LMF1: variants seen among roughly 807,000 people sequenced by gnomAD.
The protein encoded by LMF1 is transmembrane protein 112.
A neutral mutation model predicts 60.6 loss-of-function variants in LMF1; 68 were observed. The observed-to-expected ratio is 1.12, with a 90% confidence interval of 0.92 to 1.37. LMF1 has a LOEUF of 1.37. Ranked by LOEUF, LMF1 falls within the 40% of genes most tolerant of loss-of-function variation. The probability of loss-of-function intolerance (pLI) is 0.00; values close to 1 mark genes in which losing one functional copy is unlikely to be tolerated. For synonymous variants in LMF1, 418 were observed against 324.7 expected (o/e 1.29, Z -3.09); for missense variants, 948 against 767.2 (o/e 1.24, Z -2.78).
At chr16:934,953 C>T (rs1235130347) in intron 2 of LMF1, among the ~76,000 whole-genome samples, 2 of 152,236 alleles carry the variant, frequency 1.3e-5, no homozygotes, top group East Asian at 3.8e-4. Flanking sequence ...CAGGATGCAC[C>T]AATGCCCGCA....
intron 1 of LMF1, among the ~76,000 whole-genome samples, chr16:955,466 T>C (rs2072671838): frequency 6.9e-6 from 1 of 145,934 alleles, no homozygotes; most frequent in African/African-American, 2.6e-5. Context: ...ACGCGGTGTG[T>C]GCATACACAC....
At chr16:950,026 C>CAGCCAACGACAGAGTCAG (rs1387670249) in intron 2 of LMF1, among the ~76,000 whole-genome samples, 1 of 141,642 alleles carries the variant, frequency 7.1e-6, no homozygotes. Flanking sequence ...ACGACAGAGT[C>CAGCCAACGACAGAGTCAG]AGCCAACGAC....
intron 3 of LMF1, chr16:931,869 A>C: frequency 8.4e-7 from 1 of 1,195,576 alleles, no homozygotes; most frequent in South Asian, 1.3e-5. Context: ...TAATGAGTCA[A>C]CAATTCGCTT....
At chr16:913,135 C>T (rs1328692714) in intron 3 of LMF1, among the ~76,000 whole-genome samples, 1 of 152,264 alleles carries the variant, frequency 6.6e-6, no homozygotes, top group Non-Finnish European at 1.5e-5. Flanking sequence ...TCTGCACGCC[C>T]TGCTCTTCCC....
chr16:911,089 C>T lies in LMF1; in HGVS notation c.515-10G>A, dbSNP rs754163218. ...AGCTGGGACTCCCATCCTAAAACAA[C>T]GAGACATACCAAAGGTGAGTTAATG... On this transcript the variant is annotated splice_polypyrimidine_tract_variant and intron_variant, in intron 3 of 10. Coordinates refer to ENST00000262301, the MANE Select transcript of LMF1 (RefSeq NM_022773.4). 47 of 1,608,376 alleles carry T rather than the reference C, an allele frequency of 2.9e-5. 1 individual carries two copies. The highest frequency in any genetic ancestry group is 1.3e-4 in the East Asian group (6 of 44,692).
At chr16:871,571 G>T in intron 6 of LMF1, 1 of 577,284 alleles carries the variant, frequency 1.7e-6, no homozygotes, top group Non-Finnish European at 3.1e-6. Flanking sequence ...TTCCTCCCAT[G>T]ACTGCACATT....
intron 4 of LMF1, among the ~76,000 whole-genome samples, chr16:895,552 G>A (rs1404347631): frequency 6.6e-6 from 1 of 152,176 alleles, no homozygotes; most frequent in African/African-American, 2.4e-5. Context: ...TGCTGTCTGT[G>A]CAGGACGACC....
At position 970,892 on chromosome 16, in the gene LMF1, G is replaced by A. The variant is rs755509622; in HGVS notation, c.89C>T (p.Pro30Leu). The A allele has an allele frequency of 1.3e-6, 2 of 1,576,580 alleles. No individual in the cohort carries two copies. The highest frequency in any genetic ancestry group is 1.7e-6 in the Non-Finnish European group (2 of 1,163,456). The change falls in exon 1 of 11, where the codon CCG (proline) becomes CTG (leucine). Residue 30 changes from proline to leucine, a missense_variant. By Grantham distance (98) the Pro-to-Leu change is moderately conservative (BLOSUM62 -3). Coordinates refer to ENST00000262301, the MANE Select transcript of LMF1 (RefSeq NM_022773.4). Reference protein sequence around the residue: ...TGYSDPEPESPPAPGRGPAGS... With the variant: ...TGYSDPEPESLPAPGRGPAGS... The stretch of plus-strand genomic sequence containing the variant: ...TGCGGGGCCACGCCCCGGCGCGGGC[G>A]GCGACTCAGGCTCCGGATCCGAGTA...
At chr16:941,594 A>C (rs1304903396) in intron 2 of LMF1, among the ~76,000 whole-genome samples, 1 of 152,146 alleles carries the variant, frequency 6.6e-6, no homozygotes, top group Non-Finnish European at 1.5e-5. Context: ...GATATGGCTC[A>C]TTGGTTATTT....
upstream of LMF1, among the ~76,000 whole-genome samples, chr16:973,042 G>A (rs1168999344): frequency 1.3e-5 from 2 of 152,204 alleles, no homozygotes; most frequent in African/African-American, 4.8e-5. Context: ...AGTGCACTGG[G>A]TTATGATTCA....
intron 1 of LMF1, chr16:980,167 G>A (rs928150028): frequency 1.8e-5 from 4 of 217,838 alleles, no homozygotes; most frequent in African/African-American, 4.6e-5. Context: ...CAGGTGACAC[G>A]GCCCTTGCTC....
At chr16:854,867 C>T in intron 10 of LMF1, 161 bp from the exon 11 acceptor site, 2 of 692,192 alleles carry the variant, frequency 2.9e-6, no homozygotes, top group South Asian at 1.6e-5. Flanking sequence ...CCCCAGCAGA[C>T]CCCGGGCAGG....
chr16:888,612 T>C (rs995748287), intron 5 of LMF1, among the ~76,000 whole-genome samples: 3 of 152,184 alleles, frequency 2.0e-5, no homozygotes, highest in African/African-American at 7.2e-5. Flanking sequence ...ATCCGCGTCG[T>C]CAGGCAACCG....
Position 954,463 on chromosome 16 carries a change from C to A in LMF1, c.397G>T (p.Gly133Ter). 1 of 1,612,666 alleles carries A rather than the reference C, an allele frequency of 6.2e-7. No individual in the cohort carries two copies. Among genetic ancestry groups the A allele is most frequent in the Non-Finnish European group, 8.5e-7 (1 of 1,179,484 alleles). The change falls in exon 2 of 11, where the codon GGA (glycine) becomes TGA (stop). Residue 133 changes from glycine (G) to a stop codon, truncating the protein, a stop_gained. Transcript: ENST00000262301. LOFTEE classifies it high-confidence loss of function. ...NSNLDLLALL[G>*]LGISSFVLIT... ...AGTACGAAAGACGAGATGCCCAGTC[C>A]GAGAAGAGCCAGCAAGTCCAGGTTG...
chr16:893,093 G>A (rs763023500), intron 4 of LMF1, 21 bp from the exon 5 acceptor site: 1 of 1,550,688 alleles, frequency 6.4e-7, no homozygotes, highest in South Asian at 1.2e-5. Flanking sequence ...GAGAGCAGAG[G>A]GAGAGTCAGT....
At chr16:971,101 G>T (rs2073043342), upstream of LMF1, 1 of 1,079,730 alleles carries the variant, frequency 9.3e-7, no homozygotes, top group African/African-American at 1.6e-5. Context: ...CACACCCCGG[G>T]AGGCCCCGCT....
rs138135860 is a variant in LMF1 at position 878,594 on chromosome 16, G to C, written c.897+976C>G. On this transcript the variant is annotated intron_variant, in intron 6 of 10. Transcript: ENST00000262301. This position sits in a 1 kb window ranked among gnomAD's most constrained non-coding sequence, Gnocchi z 5.2. Reference sequence around the variant, plus strand: ...CGTGCACAGACGGGACGGGTGAACCGACCGCAGGCACGCACCGTGAAACAG... The same window carrying C: ...CGTGCACAGACGGGACGGGTGAACCCACCGCAGGCACGCACCGTGAAACAG... 6.6e-6 allele frequency among the ~76,000 whole-genome samples: 1 copy of C among 152,232 alleles called. No homozygotes were observed. The highest frequency in any genetic ancestry group is 2.4e-5 in the African/African-American group (1 of 41,458).
At chr16:920,855 G>A (rs1485223770) in intron 3 of LMF1, among the ~76,000 whole-genome samples, 1 of 152,212 alleles carries the variant, frequency 6.6e-6, no homozygotes. Flanking sequence ...ATGGAGAGAG[G>A]GAGCCAGGCG....
chr16:915,760 G>A (rs948400414), intron 3 of LMF1, among the ~76,000 whole-genome samples: 10 of 152,352 alleles, frequency 6.6e-5, no homozygotes, highest in Middle Eastern at 6.8e-3. Flanking sequence ...CGTGTGGGAC[G>A]AGAGACACGC....
Sources: allele counts gnomAD v4.1 joint callset (sites outside exome capture counted in the v4.1 genomes callset), GRCh38; gene constraint gnomAD v4.1.1; non-coding constraint Gnocchi (gnomAD v3.1); transcripts MANE v1.5; gene names NCBI Gene and HGNC (gene_info 2026-07-23, HGNC 2026-07-21).